MAF: variants seen among roughly 807,000 people sequenced by gnomAD.
MAF encodes the protein transcription factor Maf.
Under a neutral mutation model 22.0 loss-of-function variants are expected in MAF, and 10 were observed. The observed-to-expected ratio is 0.45, with a 90% CI of 0.28 to 0.77. MAF has a LOEUF of 0.77. Ranked by LOEUF, MAF falls within the 30% of genes least tolerant of loss-of-function variation. MAF has a pLI of 0.12. For synonymous variants in MAF, 337 were observed against 255.8 expected, an observed-to-expected ratio of 1.32 and a Z score of -3.03; for missense variants, 544 against 548.4, an observed-to-expected ratio of 0.99 and a Z score of 0.08.
chr16:79,518,219 C>G, the MAF span, among the ~76,000 whole-genome samples: 1,629 of 152,272 alleles, frequency 0.011, 14 homozygotes, highest in Middle Eastern at 0.041. Flanking sequence ...AGTGGGGGAC[C>G]TGAGGTTTCA....
At chr16:79,390,162 G>A in the MAF span, among the ~76,000 whole-genome samples, 9 of 152,014 alleles carry the variant, frequency 5.9e-5, no homozygotes, top group African/African-American at 2.2e-4. Context: ...CGTGGGAGCT[G>A]AAGCACTCGA....
At chr16:79,253,439 G>T in the MAF span, among the ~76,000 whole-genome samples, 1 of 152,108 alleles carries the variant, frequency 6.6e-6, no homozygotes, top group Non-Finnish European at 1.5e-5. Flanking sequence ...TCCTCCCCTA[G>T]GTTCCCCATT....
the MAF span, among the ~76,000 whole-genome samples, chr16:79,430,532 G>A: frequency 6.6e-6 from 1 of 152,124 alleles, no homozygotes; most frequent in African/African-American, 2.4e-5. Flanking sequence ...CCCCACCTAG[G>A]GCAACTCACT....
the MAF span, among the ~76,000 whole-genome samples, chr16:79,441,492 A>G: frequency 6.6e-6 from 1 of 152,376 alleles, no homozygotes. Flanking sequence ...CAACAGGTGA[A>G]TACATGGGGT....
the MAF span, among the ~76,000 whole-genome samples, chr16:79,343,024 T>C: frequency 2.0e-5 from 3 of 152,318 alleles, no homozygotes; most frequent in Non-Finnish European, 4.4e-5. Flanking sequence ...AAAAAAGTCC[T>C]CTTGACACTA....
chr16:79,596,179 A>T, intron 1 of MAF: 2 of 1,062,600 alleles, frequency 1.9e-6, no homozygotes, highest in Non-Finnish European at 2.3e-6. Context: ...ATGCTCAGGA[A>T]GCCTAGTTCC....
At chr16:79,389,217 G>A in the MAF span, among the ~76,000 whole-genome samples, 1 of 152,146 alleles carries the variant, frequency 6.6e-6, no homozygotes, top group African/African-American at 2.4e-5. Flanking sequence ...GGATGGGAAA[G>A]TCTTGGAGTC....
chr16:79,535,484 G>T, the MAF span, among the ~76,000 whole-genome samples: 1 of 150,910 alleles, frequency 6.6e-6, no homozygotes, highest in African/African-American at 2.4e-5. Flanking sequence ...TTGGATCCAG[G>T]AAGGAAAGGA....
chr16:79,551,893 A>G, the MAF span, among the ~76,000 whole-genome samples: 62 of 152,150 alleles, frequency 4.1e-4, 1 homozygote, highest in East Asian at 8.7e-3. Flanking sequence ...CTGGCCCTCT[A>G]TGGAAATTTC....
the MAF span, among the ~76,000 whole-genome samples, chr16:79,444,601 T>C: frequency 2.0e-5 from 3 of 152,176 alleles, no homozygotes; most frequent in Non-Finnish European, 4.4e-5. Context: ...CAGAGGATCA[T>C]TGTGAGAAGA....
At chr16:79,404,058 G>A in the MAF span, among the ~76,000 whole-genome samples, 1 of 151,998 alleles carries the variant, frequency 6.6e-6, no homozygotes, top group African/African-American at 2.4e-5. Flanking sequence ...AAGAAACCCT[G>A]TGAAACACTT....
chr16:79,481,631 C>A, the MAF span, among the ~76,000 whole-genome samples: 8 of 151,524 alleles, frequency 5.3e-5, no homozygotes, highest in Non-Finnish European at 1.0e-4. Context: ...CATCCATCTA[C>A]CCATCCACCC....
the MAF span, among the ~76,000 whole-genome samples, chr16:79,261,176 G>C: frequency 8.7e-4 from 133 of 152,210 alleles, no homozygotes; most frequent in Non-Finnish European, 1.7e-3. Flanking sequence ...TTATGAGACA[G>C]AGTCTTGCTC....
chr16:79,239,721 C>T, the MAF span, among the ~76,000 whole-genome samples: 1 of 149,912 alleles, frequency 6.7e-6, no homozygotes, highest in Admixed American at 6.6e-5. Context: ...CCAAAGCCTT[C>T]TCTGTTTTGT....
At chr16:79,245,824 T>C in the MAF span, among the ~76,000 whole-genome samples, 6 of 152,132 alleles carry the variant, frequency 3.9e-5, no homozygotes, top group East Asian at 1.9e-4. Context: ...CCATCAGTGA[T>C]AGACTGGATA....
the MAF span, among the ~76,000 whole-genome samples, chr16:79,301,923 C>G: frequency 9.8e-4 from 150 of 152,350 alleles, no homozygotes; most frequent in African/African-American, 3.5e-3. Context: ...CACAAGGTCT[C>G]ACAGCCTTTT....
the MAF span, among the ~76,000 whole-genome samples, chr16:79,534,725 TTAAAGTA>T: frequency 6.6e-6 from 1 of 152,034 alleles, no homozygotes; most frequent in Non-Finnish European, 1.5e-5. Flanking sequence ...ACCCTAGAAC[TTAAAGTA>T]TAATTTAAAA....
chr16:79,251,620 T>G, the MAF span, among the ~76,000 whole-genome samples: 3 of 152,166 alleles, frequency 2.0e-5, no homozygotes, highest in Non-Finnish European at 4.4e-5. Flanking sequence ...AGTCTTCATC[T>G]TTTAGGGACA....
the MAF span, among the ~76,000 whole-genome samples, chr16:79,367,539 C>A: frequency 2.0e-5 from 3 of 152,286 alleles, no homozygotes; most frequent in African/African-American, 7.2e-5. Context: ...TTGGAGGATA[C>A]TACATACTAA....
Sources: gnomAD v4.1 joint callset for allele counts (sites outside exome capture counted in the v4.1 genomes callset) on GRCh38, gnomAD v4.1.1 for gene constraint, MANE v1.5 for transcripts, NCBI Gene and HGNC (gene_info 2026-07-23, HGNC 2026-07-21) for gene names.